E2F2: variants seen among roughly 807,000 people sequenced by gnomAD.
The protein encoded by E2F2 is transcription factor E2F2.
A neutral mutation model predicts 42.2 loss-of-function variants in E2F2; 22 were observed. That is an observed-to-expected ratio of 0.52 (90% CI 0.37 to 0.74). The LOEUF is 0.74. E2F2 is among the 30% of genes least tolerant of loss of function. E2F2 has a pLI of 0.00. For synonymous variants in E2F2, 248 were observed against 251.6 expected, an observed-to-expected ratio of 0.99 and a Z score of 0.13; for missense variants, 481 against 557.8, an observed-to-expected ratio of 0.86 and a Z score of 1.39.
intron 6 of E2F2, among the ~76,000 whole-genome samples, chr1:23,511,240 C>CT (rs943231231): frequency 1.2e-3 from 181 of 145,848 alleles, no homozygotes; most frequent in East Asian, 4.0e-3. Context: ...TCGCCGCCTT[C>CT]TTTTTTTTTT....
rs756212654 is a variant in E2F2 at position 23,509,533 on chromosome 1, C to T, written c.*347G>A. On this transcript the variant is annotated 3_prime_UTR_variant, in exon 7 of 7. Transcript: ENST00000361729. ...CAAAGGCATTATGTGCTTCTTGGTA[C>T]GTCGAGGGTCCTAATTACCCCTCAA... 7.1e-5 allele frequency: 15 copies of T among 212,720 alleles called. No individual in the cohort carries two copies. Among genetic ancestry groups the T allele is most frequent in the South Asian group, 1.8e-4 (1 of 5,480 alleles). 13.2% of individuals were successfully genotyped at this position (212,720 alleles called of 1,614,324 possible). A position where few individuals can be genotyped will look rare whatever the true frequency, so the allele number is the denominator to read the frequency against.
intron 6 of E2F2, among the ~76,000 whole-genome samples, chr1:23,510,958 C>T (rs1440493979): frequency 2.6e-5 from 4 of 152,184 alleles, no homozygotes; most frequent in Non-Finnish European, 5.9e-5. Flanking sequence ...CTACTCTCCA[C>T]CACACACAAC....
intron 2 of E2F2, among the ~76,000 whole-genome samples, chr1:23,524,089 C>A (rs1235273345): frequency 1.2e-4 from 7 of 58,556 alleles, no homozygotes; most frequent in South Asian, 6.6e-4. Context: ...ACAACAACAA[C>A]AACAACAACA....
chr1:23,522,366 T>C (rs975659786), intron 2 of E2F2, among the ~76,000 whole-genome samples: 5 of 152,224 alleles, frequency 3.3e-5, no homozygotes, highest in Non-Finnish European at 7.3e-5. Flanking sequence ...CTACTGTCAC[T>C]GTTCTAAGTG....
chr1:23,518,933 C>T, intron 5 of E2F2, 83 bp downstream of exon 5: 1 of 1,094,780 alleles, frequency 9.1e-7, no homozygotes, highest in Non-Finnish European at 1.4e-6. Flanking sequence ...TAGGCAGTGC[C>T]AGGGACAGAG....
chr1:23,518,006 C>CA (rs530910460), intron 5 of E2F2, among the ~76,000 whole-genome samples: 22 of 150,864 alleles, frequency 1.5e-4, no homozygotes, highest in Non-Finnish European at 2.2e-4. Flanking sequence ...CTCGTCTCTA[C>CA]AAAAAAAACA....
rs1390140223 is a variant in E2F2, at chr1:23,508,483, C to A, written c.*1397G>T. On this transcript the variant is annotated 3_prime_UTR_variant, in exon 7 of 7. Coordinates refer to ENST00000361729, the MANE Select transcript of E2F2 (RefSeq NM_004091.4). ...TGGTTCAGCCCAGAGCACCCACATC[C>A]CAGGGTGGGTGGGGGAGAAGAGCAG... is the stretch of plus-strand genomic sequence containing the variant. 6.6e-6 allele frequency: 1 copy of A among 152,152 alleles called. No homozygotes were observed. The highest frequency in any genetic ancestry group is 2.4e-5 in the African/African-American group (1 of 41,396). 9.4% of individuals were successfully genotyped at this position (152,152 alleles called of 1,614,324 possible).
At chr1:23,526,829 G>A (rs111608951) in intron 1 of E2F2, among the ~76,000 whole-genome samples, 1 of 150,566 alleles carries the variant, frequency 6.6e-6, no homozygotes, top group Non-Finnish European at 1.5e-5. Context: ...ACGCCCACCT[G>A]CCCCCATCAC....
rs1643317983 is a variant in E2F2 at position 23,530,403 on chromosome 1, G to A, written c.252+139C>T. ...CTTCTACTCAGATATTGGGGGCACT[G>A]GGTCCTGGAAACTGAAAGCTCATCT... On this transcript the variant is annotated intron_variant, in intron 1 of 6. Transcript: ENST00000361729. The surrounding 1 kb of genome is among the most constrained non-coding windows in gnomAD (Gnocchi z 4.4). The A allele has an allele frequency of 8.3e-7, 1 of 1,197,946 alleles. No homozygotes were observed. The highest frequency in any genetic ancestry group is 2.8e-5 in the Admixed American group (1 of 35,776). 74.2% of individuals were successfully genotyped at this position (1,197,946 alleles called of 1,614,324 possible).
chr1:23,524,101 C>CAAAAA (rs1370410455), intron 2 of E2F2, among the ~76,000 whole-genome samples: 15 of 132,148 alleles, frequency 1.1e-4, no homozygotes, highest in African/African-American at 4.4e-4. Context: ...ACAACAACAA[C>CAAAAA]AACAAAAAAA....
chr1:23,510,206 G>A lies in E2F2; in HGVS notation c.1046-58C>T, dbSNP rs957123568. 14 of 1,470,160 alleles carry A rather than the reference G, an allele frequency of 9.5e-6. No homozygotes were observed. The African/African-American group carries it at 1.1e-4, about 12-fold the overall frequency. 91.1% of individuals were successfully genotyped at this position (1,470,160 alleles called of 1,614,324 possible). Reference sequence around the variant, plus strand: ...CCTAGCATCCAACTCCTCAGCACGCGAGGACAGACTTCCGGTTCTCTGGAT... The same window carrying A: ...CCTAGCATCCAACTCCTCAGCACGCAAGGACAGACTTCCGGTTCTCTGGAT... On this transcript the variant is annotated intron_variant, in intron 6 of 6. Transcript: ENST00000361729.
chr1:23,522,396 T>C (rs1643170199), intron 2 of E2F2, among the ~76,000 whole-genome samples: 1 of 152,196 alleles, frequency 6.6e-6, no homozygotes, highest in Admixed American at 6.5e-5. Flanking sequence ...TACGAACACA[T>C]TTAAGCCCTA....
At position 23,506,987 on chromosome 1, in the gene E2F2, C is replaced by T. The variant is rs1642808701; in HGVS notation, c.*2893G>A. ...AGGGACACCCTCTGGTCTATTCTAA[C>T]ACCTTTAATGGGAAAGGAGTTAGGA... On this transcript the variant is annotated 3_prime_UTR_variant, in exon 7 of 7. Coordinates refer to ENST00000361729, the MANE Select transcript of E2F2 (RefSeq NM_004091.4). 6.6e-6 allele frequency: 1 copy of T among 152,230 alleles called. No homozygotes were observed. Among genetic ancestry groups the T allele is most frequent in the Non-Finnish European group, 1.5e-5 (1 of 68,064 alleles). 9.4% of individuals were successfully genotyped at this position (152,230 alleles called of 1,614,324 possible). A position where few individuals can be genotyped will look rare whatever the true frequency, so the allele number is the denominator to read the frequency against.
At chr1:23,519,941 G>A (rs769492983) in intron 4 of E2F2, among the ~76,000 whole-genome samples, 1 of 152,022 alleles carries the variant, frequency 6.6e-6, no homozygotes, top group African/African-American at 2.4e-5. Context: ...AGCCGGGTGT[G>A]GTGGCAGGCG....
At chr1:23,512,685 T>C (rs1398031448) in intron 6 of E2F2, among the ~76,000 whole-genome samples, 1 of 152,218 alleles carries the variant, frequency 6.6e-6, no homozygotes, top group Non-Finnish European at 1.5e-5. Flanking sequence ...TGTCTCCTGC[T>C]GTTGATCACG....
chr1:23,527,176 G>T (rs1558256966), intron 1 of E2F2, among the ~76,000 whole-genome samples: 2 of 152,206 alleles, frequency 1.3e-5, no homozygotes, highest in Non-Finnish European at 2.9e-5. Context: ...TATAAAATGG[G>T]CATCATTGTC....
intron 2 of E2F2, among the ~76,000 whole-genome samples, chr1:23,524,104 C>A (rs9424387): frequency 0.72 from 93,673 of 130,764 alleles, 34,193 homozygotes; most frequent in East Asian, 0.93. Context: ...ACAACAACAA[C>A]AAAAAAAAAC....
intron 6 of E2F2, among the ~76,000 whole-genome samples, chr1:23,511,162 A>G (rs1049514158): frequency 6.6e-6 from 1 of 151,536 alleles, no homozygotes; most frequent in African/African-American, 2.4e-5. Flanking sequence ...CCCAATGGTC[A>G]TTTCTCTGGC....
intron 1 of E2F2, among the ~76,000 whole-genome samples, chr1:23,527,847 T>C (rs943212302): frequency 2.0e-5 from 3 of 152,164 alleles, no homozygotes; most frequent in Admixed American, 2.0e-4. Context: ...TGTAGACAAA[T>C]TGAAAGAAAA....
Sources: gnomAD v4.1 joint callset for allele counts (sites outside exome capture counted in the v4.1 genomes callset) on GRCh38, gnomAD v4.1.1 for gene constraint, Gnocchi (gnomAD v3.1) non-coding constraint, MANE v1.5 for transcripts, NCBI Gene and HGNC (gene_info 2026-07-23, HGNC 2026-07-21) for gene names.